Variants in MYH15 observed in about 807,000 individuals in gnomAD.
MYH15 encodes myosin-15.
MYH15 carries 227 observed loss-of-function variants against 240.5 expected under a neutral mutation model. The ratio of observed to expected loss-of-function variants is 0.94; its 90% CI spans 0.85 to 1.05. The LOEUF is 1.05. MYH15 is among the 50% of genes least tolerant of loss of function. The pLI, the probability that MYH15 is intolerant of heterozygous loss-of-function variation, is 0.00. For missense variants in MYH15, 2,217 were observed against 2,247.5 expected (o/e 0.99, Z 0.27); for synonymous variants, 785 against 796.7 (o/e 0.99, Z 0.25).
chr3:108,414,364 T>G lies in MYH15; in HGVS notation c.4013A>C (p.Gln1338Pro). Residue 1338 changes from glutamine (Q) to proline (P), a missense_variant, in exon 30 of 41, where the codon CAG (glutamine) becomes CCG (proline). Physicochemically the swap from Gln to Pro is moderately conservative, Grantham distance 76. Transcript: ENST00000693548. ...AQRDCDLLRE[Q>P]YEEEQEVKAE... Reference sequence around the variant, plus strand: ...CTTGACCTCTTGTTCTTCCTCATACTGCTCTCGTAGAAGGTCACAGTCACG... The same window carrying G: ...CTTGACCTCTTGTTCTTCCTCATACGGCTCTCGTAGAAGGTCACAGTCACG... 6.2e-7 allele frequency: 1 copy of G among 1,614,208 alleles called. No homozygotes were observed. Among genetic ancestry groups the G allele is most frequent in the Non-Finnish European group, 8.5e-7 (1 of 1,180,038 alleles).
chr3:108,439,589 A>C lies in MYH15; in HGVS notation c.3075+148T>G. On this transcript the variant is annotated intron_variant, in intron 24 of 40. Transcript: ENST00000693548. ...TACTATCGTGGTTTTGTGTATAAGA[A>C]AAAGAACCCTTTTATTCTCAATAAT... 2 of 736,078 alleles carry C rather than the reference A, an allele frequency of 2.7e-6. 1 individual carries two copies. The highest frequency in any genetic ancestry group is 6.1e-5 in the South Asian group (2 of 32,616). The allele number at this position is 736,078 out of a possible 1,614,324, so 45.6% of individuals were successfully genotyped here. A position where few individuals can be genotyped will look rare whatever the true frequency, so the allele number is the denominator to read the frequency against.
In MYH15 at chr3:108,476,564, A is replaced by G. The variant is rs761628222; in HGVS notation, c.1115-49T>C. 5.7e-6 allele frequency: 7 copies of G among 1,223,932 alleles called. No homozygotes were observed. In the South Asian group the frequency reaches 8.5e-5, roughly 15 times the overall value. The allele number at this position is 1,223,932 out of a possible 1,614,324, so 75.8% of individuals were successfully genotyped here. A position where few individuals can be genotyped will look rare whatever the true frequency, so the allele number is the denominator to read the frequency against. On this transcript the variant is annotated intron_variant, in intron 11 of 40. Coordinates refer to ENST00000693548, the MANE Select transcript of MYH15 (RefSeq NM_014981.3). ...AGGAAGGAGAGAGGAAAACACTGTT[A>G]AGATTCATTCCATTATAGCCAAACT...
At chr3:108,489,900 T>G (rs2083333982) in intron 9 of MYH15, among the ~76,000 whole-genome samples, 1 of 152,120 alleles carries the variant, frequency 6.6e-6, no homozygotes, top group African/African-American at 2.4e-5. Flanking sequence ...GATGTCAGAC[T>G]TTGCACAGTA....
chr3:108,466,678 G>A (rs1475582767), intron 14 of MYH15, among the ~76,000 whole-genome samples: 2 of 152,144 alleles, frequency 1.3e-5, no homozygotes, highest in Non-Finnish European at 2.9e-5. Context: ...GCATCCTTCT[G>A]TAGGATTCTA....
At chr3:108,508,437 T>A (rs2083495527) in intron 1 of MYH15, among the ~76,000 whole-genome samples, 1 of 152,238 alleles carries the variant, frequency 6.6e-6, no homozygotes. Context: ...ATTTTAACAC[T>A]GGCTTTGCTG....
At position 108,459,355 on chromosome 3, in the gene MYH15, T is replaced by A. The variant is rs750885447; in HGVS notation, c.2020+7A>T. 3.9e-6 allele frequency: 6 copies of A among 1,550,530 alleles called. No homozygotes were observed. The African/African-American group carries it at 5.5e-5, about 14-fold the overall frequency. ...TAGTGTGAATTACAAAGAAATCTAG[T>A]TCTTACCTGGTATTTTGTTCACATT... On this transcript the variant is annotated splice_region_variant and intron_variant, in intron 18 of 40. Coordinates refer to ENST00000693548, the MANE Select transcript of MYH15 (RefSeq NM_014981.3).
At chr3:108,528,428 G>C (rs1393789686) in intron 1 of MYH15, among the ~76,000 whole-genome samples, 2 of 152,094 alleles carry the variant, frequency 1.3e-5, no homozygotes, top group Non-Finnish European at 2.9e-5. Context: ...TAGTCTTCTT[G>C]GTAAAACAGT....
At chr3:108,479,839 T>C (rs1382303551) in intron 11 of MYH15, among the ~76,000 whole-genome samples, 2 of 152,172 alleles carry the variant, frequency 1.3e-5, no homozygotes, top group Admixed American at 6.6e-5. Flanking sequence ...AATAACCAGA[T>C]ATGAAAGAAT....
At chr3:108,402,664 C>G (rs545028415) in intron 33 of MYH15, among the ~76,000 whole-genome samples, 31 of 152,314 alleles carry the variant, frequency 2.0e-4, no homozygotes, top group African/African-American at 7.2e-4. Context: ...GCCTCATTCC[C>G]AAAAACACCT....
chr3:108,544,064 T>C, the MYH15 span, among the ~76,000 whole-genome samples: 1 of 152,238 alleles, frequency 6.6e-6, no homozygotes, highest in South Asian at 2.1e-4. Flanking sequence ...GAATGATGAT[T>C]TGTCCTGTGA....
intron 22 of MYH15, among the ~76,000 whole-genome samples, chr3:108,444,271 C>G (rs2082908981): frequency 6.6e-6 from 1 of 152,078 alleles, no homozygotes; most frequent in African/African-American, 2.4e-5. Context: ...CACACTGCAG[C>G]ATTCCTGAAG....
intron 35 of MYH15, among the ~76,000 whole-genome samples, chr3:108,398,233 C>T (rs2082476616): frequency 6.6e-6 from 1 of 152,118 alleles, no homozygotes; most frequent in African/African-American, 2.4e-5. Context: ...ACAGGAAGAA[C>T]ACCATGTGAA....
the MYH15 span, chr3:108,551,038 T>C: frequency 1.1e-4 from 52 of 472,822 alleles, no homozygotes; most frequent in Non-Finnish European, 1.6e-4. Context: ...AATTAGATAA[T>C]AACTTCTTAT....
chr3:108,471,815 A>G (rs189676342), intron 12 of MYH15, among the ~76,000 whole-genome samples: 148 of 152,262 alleles, frequency 9.7e-4, no homozygotes, highest in Non-Finnish European at 1.4e-3. Flanking sequence ...GATTCAGAAT[A>G]TTTGTAATAC....
Position 108,408,364 on chromosome 3 carries a change from G to T in MYH15, c.4536C>A (p.Thr1512=). ...SNLTNQVREG[T]KNLTEMEKVK... ...CCTTTTCCATTTCAGTTAAGTTCTTGGTCCCTTCTCTAACCTGGTTTGTCA... is the reference window on the plus strand; with the variant it reads ...CCTTTTCCATTTCAGTTAAGTTCTTTGTCCCTTCTCTAACCTGGTTTGTCA... Residue 1512 remains threonine (T), a synonymous_variant, in exon 32 of 41, where the codon ACC becomes ACA. Transcript: ENST00000693548. 6.2e-7 allele frequency: 1 copy of T among 1,612,926 alleles called. No homozygotes were observed. Among genetic ancestry groups the T allele is most frequent in the Non-Finnish European group, 8.5e-7 (1 of 1,179,652 alleles).
At chr3:108,515,979 A>C (rs970447687) in intron 1 of MYH15, among the ~76,000 whole-genome samples, 5 of 152,204 alleles carry the variant, frequency 3.3e-5, no homozygotes, top group African/African-American at 1.2e-4. Flanking sequence ...TGACCACAGT[A>C]AATCTATCAC....
intron 10 of MYH15, among the ~76,000 whole-genome samples, chr3:108,485,957 A>G (rs1336318646): frequency 2.6e-5 from 4 of 152,232 alleles, no homozygotes; most frequent in Non-Finnish European, 5.9e-5. Context: ...AAACAACAGG[A>G]CAAATGCCTG....
chr3:108,444,947 T>C, intron 21 of MYH15, 52 bp from the exon 22 acceptor site: 3 of 1,526,418 alleles, frequency 2.0e-6, no homozygotes, highest in Admixed American at 4.4e-5. Context: ...TATAGGAGAA[T>C]TAGTTCCCAA....
At chr3:108,479,983 C>T (rs1576260052) in intron 11 of MYH15, among the ~76,000 whole-genome samples, 1 of 152,074 alleles carries the variant, frequency 6.6e-6, no homozygotes, top group Non-Finnish European at 1.5e-5. Flanking sequence ...TGAGCATTTG[C>T]TATGTGTAAG....
Sources: gnomAD v4.1 joint callset for allele counts (sites outside exome capture counted in the v4.1 genomes callset) on GRCh38, gnomAD v4.1.1 for gene constraint, MANE v1.5 for transcripts, NCBI Gene and HGNC (gene_info 2026-07-23, HGNC 2026-07-21) for gene names.